Variants in STAT5B observed in about 807,000 individuals in gnomAD.
The protein encoded by STAT5B is transcription factor STAT5B.
STAT5B carries 21 observed loss-of-function variants against 107.8 expected under a neutral mutation model. The ratio of observed to expected loss-of-function variants is 0.19; its 90% CI spans 0.14 to 0.28. STAT5B has a LOEUF of 0.28. Among genes scored for constraint, STAT5B ranks in the 10% least tolerant of loss-of-function variants. STAT5B has a pLI of 1.00. For synonymous variants in STAT5B, 325 were observed against 401.7 expected, an observed-to-expected ratio of 0.81 and a Z score of 2.28; for missense variants, 565 against 1,008.2, an observed-to-expected ratio of 0.56 and a Z score of 5.95.
chr17:42,202,668 G>A lies in STAT5B; in HGVS notation c.2129+89C>T, dbSNP rs920412354. Reference sequence around the variant, plus strand: ...GCTGAGACAGTTTCCCCGGGGGAGCGGAAAGCTGGGCCAGGATAAGGATGG... The same window carrying A: ...GCTGAGACAGTTTCCCCGGGGGAGCAGAAAGCTGGGCCAGGATAAGGATGG... On this transcript the variant is annotated intron_variant, in intron 17 of 18. Coordinates refer to ENST00000293328, the MANE Select transcript of STAT5B (RefSeq NM_012448.4). 1.5e-5 allele frequency: 24 copies of A among 1,604,578 alleles called. 1 individual carries two copies. The highest frequency in any genetic ancestry group is 5.5e-5 in the South Asian group (5 of 90,824).
intron 5 of STAT5B, 76 bp from the exon 6 acceptor site, chr17:42,219,918 G>T: frequency 6.2e-7 from 1 of 1,604,926 alleles, no homozygotes; most frequent in East Asian, 2.2e-5. Context: ...CCACTCACCC[G>T]TTCTGGAGCG....
At chr17:42,284,541 A>T in the STAT5B span, among the ~76,000 whole-genome samples, 1 of 152,226 alleles carries the variant, frequency 6.6e-6, no homozygotes, top group Non-Finnish European at 1.5e-5. Context: ...TGCTGGGACT[A>T]CAGGCGTGAG....
At position 42,200,342 on chromosome 17, in the gene STAT5B, G is replaced by C. The variant is rs780994364; in HGVS notation, c.*1396C>G. Reference sequence around the variant, plus strand: ...AGGGGTGACCTTTTAGGCCTTACCCGTAAGCTATTTTAATACACCTGCTCA... The same window carrying C: ...AGGGGTGACCTTTTAGGCCTTACCCCTAAGCTATTTTAATACACCTGCTCA... On this transcript the variant is annotated 3_prime_UTR_variant, in exon 19 of 19. Transcript: ENST00000293328. The C allele has an allele frequency of 3.3e-5, 5 of 152,712 alleles. No homozygotes were observed. Among genetic ancestry groups the C allele is most frequent in the Admixed American group, 2.0e-4 (3 of 15,278 alleles). 9.5% of individuals were successfully genotyped at this position (152,712 alleles called of 1,614,324 possible).
At chr17:42,209,720 G>A (rs1168632554) in intron 15 of STAT5B, among the ~76,000 whole-genome samples, 2 of 152,036 alleles carry the variant, frequency 1.3e-5, no homozygotes, top group Non-Finnish European at 2.9e-5. Context: ...AAAAAGAAAA[G>A]AACTAACATC....
At chr17:42,248,093 A>G (rs572346001) in intron 1 of STAT5B, among the ~76,000 whole-genome samples, 1 of 152,114 alleles carries the variant, frequency 6.6e-6, no homozygotes, top group Non-Finnish European at 1.5e-5. Flanking sequence ...CCTAGGCGAC[A>G]TAGTGAGACT....
intron 16 of STAT5B, 40 bp from the exon 17 acceptor site, chr17:42,202,848 G>C (rs746617518): frequency 2.5e-5 from 40 of 1,613,138 alleles, no homozygotes; most frequent in Admixed American, 2.3e-4. Flanking sequence ...GTTCTCAAGT[G>C]AAACAAAAAT....
At chr17:42,216,548 T>C (rs879774812) in intron 11 of STAT5B, among the ~76,000 whole-genome samples, 6 of 152,172 alleles carry the variant, frequency 3.9e-5, no homozygotes, top group Non-Finnish European at 7.4e-5. Flanking sequence ...ATTTTTTAAT[T>C]TGTTGTTGTT....
upstream of STAT5B, among the ~76,000 whole-genome samples, chr17:42,277,613 C>T (rs1443533230): frequency 6.6e-6 from 1 of 152,172 alleles, no homozygotes; most frequent in African/African-American, 2.4e-5. Context: ...GCTTGGAGGC[C>T]AGAGAAGGAA....
At position 42,219,852 on chromosome 17, in the gene STAT5B, G is replaced by A. The variant is rs374282761; in HGVS notation, c.551-10C>T. 9.1e-5 allele frequency: 147 copies of A among 1,614,020 alleles called. No homozygotes were observed. The highest frequency in any genetic ancestry group is 1.1e-4 in the Non-Finnish European group (133 of 1,179,994). ...AGCGGGCCAAACTGAGCTAGAGGAG[G>A]GGAGAGGAAACCATGACCATCACCT... On this transcript the variant is annotated splice_polypyrimidine_tract_variant and intron_variant, in intron 5 of 18. Transcript: ENST00000293328.
At position 42,210,500 on chromosome 17, in the gene STAT5B, G is replaced by T. The variant is rs1315598546; in HGVS notation, c.1681-3C>A. ...TAATTCCGTCCTGGTAAATTCTCCT[G>T]GTTGGAGATACAACAGTGAACATAA... On this transcript the variant is annotated splice_polypyrimidine_tract_variant and splice_region_variant and intron_variant, in intron 13 of 18. Coordinates refer to ENST00000293328, the MANE Select transcript of STAT5B (RefSeq NM_012448.4). The T allele has an allele frequency of 6.2e-7, 1 of 1,612,324 alleles. No homozygotes were observed. Among genetic ancestry groups the T allele is most frequent in the East Asian group, 2.2e-5 (1 of 44,880 alleles).
intron 4 of STAT5B, 34 bp from the exon 5 acceptor site, chr17:42,223,590 C>G (rs182056711): frequency 8.1e-6 from 13 of 1,609,876 alleles, no homozygotes; most frequent in Non-Finnish European, 7.6e-6. Flanking sequence ...CAAGGCAGTG[C>G]GAATGGGAGG....
chr17:42,222,459 T>C (rs16967585), intron 5 of STAT5B, among the ~76,000 whole-genome samples: 2,103 of 152,230 alleles, frequency 0.014, 40 homozygotes, highest in African/African-American at 0.049. Flanking sequence ...GTACTCTGTT[T>C]CAGGAAGACC....
In STAT5B at chr17:42,227,659, T is replaced by C; in HGVS notation, c.155A>G (p.Gln52Arg). 1 of 1,614,124 alleles carries C rather than the reference T, an allele frequency of 6.2e-7. No individual in the cohort carries two copies. The highest frequency in any genetic ancestry group is 8.5e-7 in the Non-Finnish European group (1 of 1,180,016). ...GAGCTGGGTGGCCTTAATGTTCTCC[T>C]GTGGATTATCAAGATCTACTGAGTC... Reference protein sequence around the residue: ...AWDSVDLDNPQENIKATQLLE... With the variant: ...AWDSVDLDNPRENIKATQLLE... The change falls in exon 3 of 19, where the codon CAG becomes CGG. Residue 52 changes from glutamine to arginine, a missense_variant. Gln to Arg is a conservative substitution (Grantham distance 43). Transcript: ENST00000293328.
intron 1 of STAT5B, among the ~76,000 whole-genome samples, chr17:42,247,364 T>C (rs1174896360): frequency 6.6e-6 from 1 of 152,248 alleles, no homozygotes; most frequent in Non-Finnish European, 1.5e-5. Flanking sequence ...TGCCATGAAT[T>C]AAAATGTTTC....
chr17:42,222,895 G>A (rs1196014028), intron 5 of STAT5B, among the ~76,000 whole-genome samples: 1 of 151,870 alleles, frequency 6.6e-6, no homozygotes, highest in Non-Finnish European at 1.5e-5. Flanking sequence ...TGTTGGCCAG[G>A]CTGGTCTCGA....
chr17:42,242,765 C>T (rs975758458), intron 1 of STAT5B, among the ~76,000 whole-genome samples: 4 of 152,054 alleles, frequency 2.6e-5, no homozygotes, highest in African/African-American at 9.7e-5. Flanking sequence ...GTCAAGCATT[C>T]GAGACCAGCC....
intron 1 of STAT5B, among the ~76,000 whole-genome samples, chr17:42,261,103 C>T (rs1265729672): frequency 1.3e-5 from 2 of 151,840 alleles, no homozygotes; most frequent in Admixed American, 6.6e-5. Context: ...GAGACAGGGT[C>T]TCACCAAGCG....
At chr17:42,206,192 C>T (rs1011060591) in intron 16 of STAT5B, among the ~76,000 whole-genome samples, 1 of 152,052 alleles carries the variant, frequency 6.6e-6, no homozygotes, top group Non-Finnish European at 1.5e-5. Flanking sequence ...CTGGTTCAAG[C>T]GATTCTCCTG....
chr17:42,233,454 A>G (rs570298658), intron 1 of STAT5B, among the ~76,000 whole-genome samples: 1 of 152,160 alleles, frequency 6.6e-6, no homozygotes, highest in Admixed American at 6.5e-5. Context: ...AGAGTTGGAA[A>G]TATGAACCAT....
Sources: gnomAD v4.1 joint callset for allele counts (sites outside exome capture counted in the v4.1 genomes callset) on GRCh38, gnomAD v4.1.1 for gene constraint, MANE v1.5 for transcripts, NCBI Gene and HGNC (gene_info 2026-07-23, HGNC 2026-07-21) for gene names.